The following KCTD8 variants were observed in gnomAD, a reference collection of about 807,000 sequenced individuals.
The protein encoded by KCTD8 is potassium channel tetramerization domain containing 8.
A neutral mutation model predicts 31.5 loss-of-function variants in KCTD8; 27 were observed. The ratio of observed to expected loss-of-function variants is 0.86; its 90% CI spans 0.63 to 1.18. The LOEUF (loss-of-function observed/expected upper bound fraction) is 1.18. Ranked by LOEUF, KCTD8 falls within the 50% of genes most tolerant of loss-of-function variation. The pLI, the probability that KCTD8 is intolerant of heterozygous loss-of-function variation, is 0.00. For synonymous variants in KCTD8, 290 were observed against 280.0 expected (o/e 1.04, Z -0.36); for missense variants, 658 against 647.7 (o/e 1.02, Z -0.17).
chr4:44,224,289 A>T (rs1714886507), intron 1 of KCTD8, among the ~76,000 whole-genome samples: 1 of 152,208 alleles, frequency 6.6e-6, no homozygotes, highest in African/African-American at 2.4e-5. Context: ...GTTACACCTC[A>T]GCAGAAGTGC....
intron 1 of KCTD8, among the ~76,000 whole-genome samples, chr4:44,196,227 A>G (rs1485145083): frequency 1.3e-5 from 2 of 152,222 alleles, no homozygotes; most frequent in African/African-American, 4.8e-5. Context: ...AAAGAGAAAG[A>G]TAGAGAAATC....
intron 1 of KCTD8, among the ~76,000 whole-genome samples, chr4:44,217,886 C>A (rs1714694175): frequency 6.6e-6 from 1 of 152,132 alleles, no homozygotes; most frequent in Non-Finnish European, 1.5e-5. Flanking sequence ...ACTTTTGAGG[C>A]TTTTGGACTC....
intron 1 of KCTD8, among the ~76,000 whole-genome samples, chr4:44,204,537 C>G: frequency 6.6e-6 from 1 of 152,124 alleles, no homozygotes; most frequent in East Asian, 1.9e-4. Flanking sequence ...GACCCTCTCA[C>G]GTGGACCCCC....
intron 1 of KCTD8, among the ~76,000 whole-genome samples, chr4:44,222,896 G>A (rs952415841): frequency 1.3e-5 from 2 of 152,134 alleles, no homozygotes; most frequent in Non-Finnish European, 2.9e-5. Context: ...GGTAAACAGT[G>A]GCCCTGAAAC....
chr4:44,331,778 A>G (rs565273482), intron 1 of KCTD8, among the ~76,000 whole-genome samples: 73 of 149,376 alleles, frequency 4.9e-4, no homozygotes, highest in African/African-American at 1.7e-3. Flanking sequence ...GAAACCCTAC[A>G]ATAATCCACA....
At position 44,362,958 on chromosome 4, in the gene KCTD8, G is replaced by A. The variant is rs186388195; in HGVS notation, c.961+84605C>T. On this transcript the variant is annotated intron_variant, in intron 1 of 1. Coordinates refer to ENST00000360029, the MANE Select transcript of KCTD8 (RefSeq NM_198353.3). The stretch of plus-strand genomic sequence containing the variant: ...GCTTTATGTTTTTTCTTTTTATAAC[G>A]TGGGTTAAAACAGCCTAGTAAAATT... Among the ~76,000 whole-genome samples, 293 of 151,596 alleles carry A rather than the reference G, an allele frequency of 1.9e-3. 2 individuals carry two copies. The Middle Eastern group carries it at 0.021, about 11-fold the overall frequency.
chr4:44,200,370 GC>G (rs552562234), intron 1 of KCTD8, among the ~76,000 whole-genome samples: 67 of 151,368 alleles, frequency 4.4e-4, no homozygotes, highest in African/African-American at 1.4e-3. Context: ...AAAACTACAG[GC>G]CAATATTCCT....
chr4:44,343,972 C>T (rs1164371254), intron 1 of KCTD8, among the ~76,000 whole-genome samples: 2 of 151,952 alleles, frequency 1.3e-5, no homozygotes, highest in Admixed American at 1.3e-4. Flanking sequence ...GATTCTCCTG[C>T]CTCAGCCTCC....
chr4:44,413,016 G>C (rs577711278), intron 1 of KCTD8, among the ~76,000 whole-genome samples: 2 of 152,172 alleles, frequency 1.3e-5, no homozygotes, highest in East Asian at 3.9e-4. Context: ...AATATATAAT[G>C]CTATAAAATA....
intron 1 of KCTD8, among the ~76,000 whole-genome samples, chr4:44,380,712 ATATT>A (rs1720043010): frequency 6.6e-6 from 1 of 151,948 alleles, no homozygotes; most frequent in South Asian, 2.1e-4. Flanking sequence ...AATAAAGAAA[ATATT>A]TAGGGTGTAC....
chr4:44,345,731 C>T (rs1719019579), intron 1 of KCTD8, among the ~76,000 whole-genome samples: 1 of 152,024 alleles, frequency 6.6e-6, no homozygotes, highest in East Asian at 1.9e-4. Flanking sequence ...TGTTTGTTTG[C>T]TTGCTTGTTT....
At chr4:44,299,960 C>A (rs1246262307) in intron 1 of KCTD8, among the ~76,000 whole-genome samples, 9 of 151,774 alleles carry the variant, frequency 5.9e-5, no homozygotes, top group Non-Finnish European at 1.3e-4. Context: ...GCTGTGTTAG[C>A]CAGGATGGTC....
At chr4:44,325,626 T>C (rs1335121963) in intron 1 of KCTD8, among the ~76,000 whole-genome samples, 2 of 151,882 alleles carry the variant, frequency 1.3e-5, no homozygotes, top group Non-Finnish European at 2.9e-5. Context: ...ACAGCTACTA[T>C]GTACCTATAA....
At chr4:44,358,336 G>C (rs1012500160) in intron 1 of KCTD8, among the ~76,000 whole-genome samples, 2 of 152,068 alleles carry the variant, frequency 1.3e-5, no homozygotes, top group Admixed American at 1.3e-4. Context: ...TTGCTATTGT[G>C]AACAGTGCTG....
chr4:44,398,330 T>C (rs1560445041), intron 1 of KCTD8, among the ~76,000 whole-genome samples: 1 of 152,208 alleles, frequency 6.6e-6, no homozygotes, highest in Non-Finnish European at 1.5e-5. Flanking sequence ...CTTTAACCCT[T>C]GCTACCTTTG....
chr4:44,414,646 CTTTTA>C (rs1442399651), intron 1 of KCTD8, among the ~76,000 whole-genome samples: 4 of 152,152 alleles, frequency 2.6e-5, no homozygotes, highest in Non-Finnish European at 5.9e-5. Flanking sequence ...ATTGCACTCT[CTTTTA>C]TTTTAACACT....
At chr4:44,355,940 C>CTAAACT (rs5857955) in intron 1 of KCTD8, among the ~76,000 whole-genome samples, 1 of 151,392 alleles carries the variant, frequency 6.6e-6, no homozygotes, top group Non-Finnish European at 1.5e-5. Flanking sequence ...CATTTTATAG[C>CTAAACT]TAAATTGCAA....
At position 44,317,467 on chromosome 4, in the gene KCTD8, C is replaced by T. The variant is rs541170136; in HGVS notation, c.961+130096G>A. Among the ~76,000 whole-genome samples, 4 of 149,690 alleles carry T rather than the reference C, an allele frequency of 2.7e-5. No individual in the cohort carries two copies. The South Asian group carries it at 8.5e-4, about 32-fold the overall frequency. On this transcript the variant is annotated intron_variant, in intron 1 of 1. Transcript: ENST00000360029. Reference sequence around the variant, plus strand: ...TGTTAGCCAGGATGGTCTCGATCTCCTGACCTCATGATCCACCCGCCTCGG... The same window carrying T: ...TGTTAGCCAGGATGGTCTCGATCTCTTGACCTCATGATCCACCCGCCTCGG...
At chr4:44,352,079 A>G (rs1719218941) in intron 1 of KCTD8, among the ~76,000 whole-genome samples, 1 of 152,120 alleles carries the variant, frequency 6.6e-6, no homozygotes, top group Non-Finnish European at 1.5e-5. Flanking sequence ...TTCTCTTCTC[A>G]TTCCATGTAC....
Sources: gnomAD v4.1 joint callset for allele counts (sites outside exome capture counted in the v4.1 genomes callset) on GRCh38, gnomAD v4.1.1 for gene constraint, MANE v1.5 for transcripts, NCBI Gene and HGNC (gene_info 2026-07-23, HGNC 2026-07-21) for gene names.